The following MAGI2 variants were observed in gnomAD, a reference collection of about 807,000 sequenced individuals.
The protein encoded by MAGI2 is membrane-associated guanylate kinase, WW and PDZ domain-containing protein 2.
Under a neutral mutation model 133.3 loss-of-function variants are expected in MAGI2, and 35 were observed. That is an observed-to-expected ratio of 0.26 (90% CI 0.20 to 0.35). The LOEUF (loss-of-function observed/expected upper bound fraction) is 0.35, where lower values mean the gene tolerates loss of function less well. MAGI2 is among the 10% of genes least tolerant of loss of function. The pLI, the probability that MAGI2 is intolerant of heterozygous loss-of-function variation, is 1.00. For synonymous variants in MAGI2, 729 were observed against 710.6 expected, an observed-to-expected ratio of 1.03 and a Z score of -0.41; for missense variants, 1,636 against 1,863.4, an observed-to-expected ratio of 0.88 and a Z score of 2.25.
chr7:78,208,135 C>CT (rs71085515), intron 10 of MAGI2, among the ~76,000 whole-genome samples: 17,014 of 115,198 alleles, frequency 0.15, 1,578 homozygotes, highest in Admixed American at 0.18. Context: ...CCCAAAGTGG[C>CT]TTTTTTTTTT....
At position 79,311,338 on chromosome 7, in the gene MAGI2, G is replaced by A. The variant is rs571034858; in HGVS notation, c.301+141682C>T. On this transcript the variant is annotated intron_variant, in intron 1 of 21. Coordinates refer to ENST00000354212, the MANE Select transcript of MAGI2 (RefSeq NM_012301.4). ...CACTAACACTAATAATAGCTGATGAGCTAAACATAAATCACCAAAAAATTC... is the reference window on the plus strand; with the variant it reads ...CACTAACACTAATAATAGCTGATGAACTAAACATAAATCACCAAAAAATTC... Among the ~76,000 whole-genome samples the A allele has an allele frequency of 3.4e-4, 51 of 152,216 alleles. No homozygotes were observed. In the South Asian group the frequency reaches 4.4e-3, roughly 13 times the overall value.
intron 6 of MAGI2, among the ~76,000 whole-genome samples, chr7:78,378,097 A>G (rs1008049688): frequency 6.6e-6 from 1 of 152,120 alleles, no homozygotes; most frequent in Non-Finnish European, 1.5e-5. Context: ...AAATGATGAA[A>G]TAAAATTTAA....
chr7:78,916,129 T>C (rs2151625262), intron 2 of MAGI2, among the ~76,000 whole-genome samples: 1 of 152,216 alleles, frequency 6.6e-6, no homozygotes, highest in East Asian at 1.9e-4. Flanking sequence ...CTTAACAATC[T>C]TTTAGATTGT....
intron 1 of MAGI2, among the ~76,000 whole-genome samples, chr7:79,026,912 A>T (rs1302520547): frequency 6.6e-6 from 1 of 151,978 alleles, no homozygotes; most frequent in Non-Finnish European, 1.5e-5. Context: ...AGCTGAATAG[A>T]CATTTCTCAA....
chr7:78,812,599 T>C (rs1789174257), intron 2 of MAGI2, among the ~76,000 whole-genome samples: 1 of 151,938 alleles, frequency 6.6e-6, no homozygotes, highest in Admixed American at 6.6e-5. Context: ...TGTGTGTGTG[T>C]GTGTGTGTGT....
intron 1 of MAGI2, among the ~76,000 whole-genome samples, chr7:79,069,495 G>A (rs1814728982): frequency 6.6e-6 from 1 of 151,202 alleles, no homozygotes; most frequent in African/African-American, 2.4e-5. Flanking sequence ...TTGTGTCTTT[G>A]CATGTGAAAT....
At chr7:78,239,401 A>G (rs982951543) in intron 10 of MAGI2, among the ~76,000 whole-genome samples, 1 of 152,194 alleles carries the variant, frequency 6.6e-6, no homozygotes, top group Non-Finnish European at 1.5e-5. Context: ...AAGCAAAACT[A>G]GACAAATAGG....
At chr7:79,267,340 G>A (rs149975292) in intron 1 of MAGI2, among the ~76,000 whole-genome samples, 438 of 152,230 alleles carry the variant, frequency 2.9e-3, no homozygotes, top group Middle Eastern at 3.4e-3. Flanking sequence ...TTAGAGACTG[G>A]CTCTCTCAGC....
chr7:79,378,926 G>GTGTGTGTA (rs1158436636), intron 1 of MAGI2, among the ~76,000 whole-genome samples: 1 of 94,602 alleles, frequency 1.1e-5, no homozygotes, highest in African/African-American at 3.6e-5. Context: ...ATGTGTGTGT[G>GTGTGTGTA]TATATATATA....
chr7:78,925,471 T>A (rs1799622884), intron 2 of MAGI2, among the ~76,000 whole-genome samples: 1 of 152,042 alleles, frequency 6.6e-6, no homozygotes, highest in Non-Finnish European at 1.5e-5. Context: ...ATCTTGCTAT[T>A]CCCCTTCTTA....
At chr7:78,885,827 G>A (rs1796219412) in intron 2 of MAGI2, among the ~76,000 whole-genome samples, 2 of 152,016 alleles carry the variant, frequency 1.3e-5, no homozygotes, top group African/African-American at 4.8e-5. Context: ...CTCACTACTT[G>A]CTCTAGGAAG....
At chr7:78,292,270 G>A (rs972312538) in intron 9 of MAGI2, among the ~76,000 whole-genome samples, 1 of 152,164 alleles carries the variant, frequency 6.6e-6, no homozygotes, top group Non-Finnish European at 1.5e-5. Flanking sequence ...AAAATCACAA[G>A]CATTCTTATA....
intron 1 of MAGI2, among the ~76,000 whole-genome samples, chr7:79,262,151 C>G (rs1834134729): frequency 6.6e-6 from 1 of 152,154 alleles, no homozygotes; most frequent in Non-Finnish European, 1.5e-5. Context: ...CCAAACCTTT[C>G]TTTATCTCTA....
At chr7:78,274,181 T>TAACA (rs1325130067) in intron 9 of MAGI2, among the ~76,000 whole-genome samples, 3 of 152,220 alleles carry the variant, frequency 2.0e-5, no homozygotes, top group Non-Finnish European at 4.4e-5. Context: ...GTTTTCCTTC[T>TAACA]AACAGTCAGG....
At chr7:78,115,436 A>G (rs1819766554) in intron 20 of MAGI2, among the ~76,000 whole-genome samples, 1 of 152,228 alleles carries the variant, frequency 6.6e-6, no homozygotes, top group African/African-American at 2.4e-5. Flanking sequence ...TTGTTAAAAT[A>G]TAAAAAATCC....
At chr7:79,234,051 T>C (rs1831637480) in intron 1 of MAGI2, among the ~76,000 whole-genome samples, 1 of 142,710 alleles carries the variant, frequency 7.0e-6, no homozygotes, top group Admixed American at 7.1e-5. Flanking sequence ...CCTTCGCTTA[T>C]GAAGCTTAGT....
chr7:78,173,910 A>G (rs1826344424), intron 14 of MAGI2, among the ~76,000 whole-genome samples: 1 of 152,202 alleles, frequency 6.6e-6, no homozygotes, highest in Non-Finnish European at 1.5e-5. Context: ...TGCTAAATTT[A>G]ATTTTCAAGA....
At chr7:78,555,653 T>G (rs1408245061) in intron 3 of MAGI2, among the ~76,000 whole-genome samples, 2 of 152,220 alleles carry the variant, frequency 1.3e-5, no homozygotes, top group African/African-American at 4.8e-5. Flanking sequence ...TGTTGCTACC[T>G]GCTGATAAAA....
At chr7:78,697,221 T>C (rs566002330) in intron 2 of MAGI2, among the ~76,000 whole-genome samples, 39 of 152,280 alleles carry the variant, frequency 2.6e-4, no homozygotes, top group African/African-American at 6.7e-4. Flanking sequence ...TCTACATCAC[T>C]GAGTTGATTC....
Sources: gnomAD v4.1 joint callset for allele counts (sites outside exome capture counted in the v4.1 genomes callset) on GRCh38, gnomAD v4.1.1 for gene constraint, MANE v1.5 for transcripts, NCBI Gene and HGNC (gene_info 2026-07-23, HGNC 2026-07-21) for gene names.